Variants in SLC39A10 observed in about 807,000 individuals in gnomAD.
The protein encoded by SLC39A10 is solute carrier family 39 member 10.
SLC39A10 carries 13 observed loss-of-function variants against 65.1 expected under a neutral mutation model. That is an observed-to-expected ratio of 0.20 (90% CI 0.13 to 0.32). SLC39A10 has a LOEUF of 0.32. Among genes scored for constraint, SLC39A10 ranks in the 10% least tolerant of loss-of-function variants. The pLI is 1.00. For missense variants in SLC39A10, 831 were observed against 1,018.4 expected (o/e 0.82, Z 2.50); for synonymous variants, 321 against 342.2 (o/e 0.94, Z 0.68).
At chr2:195,644,531 G>A (rs552665056) in intron 2 of SLC39A10, among the ~76,000 whole-genome samples, 8 of 151,712 alleles carry the variant, frequency 5.3e-5, no homozygotes, top group African/African-American at 9.7e-5. Flanking sequence ...TAGTAGAGAC[G>A]GGGTTTCACC....
At position 195,728,585 on chromosome 2, in the gene SLC39A10, A is replaced by G. The variant is rs2105845524; in HGVS notation, c.2337+236A>G. Among the ~76,000 whole-genome samples the G allele has an allele frequency of 6.6e-6, 1 of 152,350 alleles. No individual in the cohort carries two copies. Among genetic ancestry groups the G allele is most frequent in the Admixed American group, 6.5e-5 (1 of 15,306 alleles). On this transcript the variant is annotated intron_variant, in intron 9 of 9. Transcript: ENST00000359634. The surrounding 1 kb of genome is among the most constrained non-coding windows in gnomAD (Gnocchi z 4.4). ...TTAAATAATCATTAGTAGTAGAGTT[A>G]TAATTACAGAATTATTATACTACTT...
At chr2:195,678,307 A>G (rs115059928) in intron 1 of SLC39A10, among the ~76,000 whole-genome samples, 2,774 of 152,100 alleles carry the variant, frequency 0.018, 81 homozygotes, top group African/African-American at 0.063. Flanking sequence ...TATTTCAGTT[A>G]TTTTCATGGG....
chr2:195,638,664 A>G (rs956419244), intron 2 of SLC39A10, among the ~76,000 whole-genome samples: 8 of 152,240 alleles, frequency 5.3e-5, no homozygotes, highest in African/African-American at 1.9e-4. Flanking sequence ...TTAAATTTAC[A>G]GAAACATTGC....
intron 3 of SLC39A10, among the ~76,000 whole-genome samples, chr2:195,697,294 A>AGG (rs929799445): frequency 3.3e-5 from 5 of 152,182 alleles, no homozygotes; most frequent in African/African-American, 1.2e-4. Context: ...TGGTGTCTGT[A>AGG]GGGGGGTACT....
At chr2:195,640,254 T>C (rs1688778108) in intron 2 of SLC39A10, among the ~76,000 whole-genome samples, 1 of 151,770 alleles carries the variant, frequency 6.6e-6, no homozygotes, top group African/African-American at 2.4e-5. Context: ...TATTTGTCTT[T>C]ATAAGTCCTT....
intron 2 of SLC39A10, among the ~76,000 whole-genome samples, chr2:195,650,375 G>GTCTGGC (rs1196510604): frequency 6.6e-6 from 1 of 151,858 alleles, no homozygotes; most frequent in Non-Finnish European, 1.5e-5. Flanking sequence ...CAACGTGTTA[G>GTCTGGC]TCTGGCTCTG....
chr2:195,690,712 C>T (rs192749229), intron 3 of SLC39A10, among the ~76,000 whole-genome samples: 68 of 152,092 alleles, frequency 4.5e-4, no homozygotes, highest in African/African-American at 1.6e-3. Context: ...ATTTTTTAAT[C>T]TGGTTATTCT....
rs751302114 is a variant in SLC39A10 at position 195,734,906 on chromosome 2, T to C, written c.2361T>C (p.Asp787=). 6.8e-6 allele frequency: 11 copies of C among 1,608,480 alleles called. No individual in the cohort carries two copies. In the Admixed American group the frequency reaches 1.9e-4, roughly 27 times the overall value. The change falls in exon 10 of 10, where the codon GAT becomes GAC. Residue 787 remains aspartate, a synonymous_variant. Coordinates refer to ENST00000359634, the MANE Select transcript of SLC39A10 (RefSeq NM_020342.3). The stretch of plus-strand genomic sequence containing the variant: ...AGCTTCCAGAAATGTTGCATGGTGA[T>C]GGTGACAATGAAGAACATGGCTTTT... ...VDMLPEMLHG[D]GDNEEHGFCP...
At chr2:195,707,047 T>C (rs1691425598) in intron 4 of SLC39A10, among the ~76,000 whole-genome samples, 1 of 152,038 alleles carries the variant, frequency 6.6e-6, no homozygotes, top group Non-Finnish European at 1.5e-5. Context: ...TAGCAGTGAG[T>C]GGTCTTTTTT....
rs770909867 is a variant in SLC39A10, at chr2:195,706,725, C to T, written c.1326C>T (p.Phe442=). 1.2e-6 allele frequency: 2 copies of T among 1,605,520 alleles called. No homozygotes were observed. The highest frequency in any genetic ancestry group is 3.4e-5 in the Admixed American group (2 of 58,826). Reference sequence around the variant, plus strand: ...GATGCTTCAAATTCCTTCTTACATTCCTTGTTGCATTAGCTGTAGGAACAA... The same window carrying T: ...GATGCTTCAAATTCCTTCTTACATTTCTTGTTGCATTAGCTGTAGGAACAA... ...NQGCFKFLLT[F]LVALAVGTMS... Residue 442 remains phenylalanine, a synonymous_variant, in exon 4 of 10, where the codon TTC becomes TTT. Transcript: ENST00000359634.
chr2:195,650,387 C>G lies in SLC39A10; in HGVS notation c.-11-29645C>G, dbSNP rs1023605668. ...GGTCAACGTGTTAGTCTGGCTCTGG[C>G]TCTGAGTTTTTTGCTTTTGTTCATT... On this transcript the variant is annotated intron_variant, in intron 2 of 2. Transcript: ENST00000458054. Among the ~76,000 whole-genome samples the G allele has an allele frequency of 2.6e-5, 4 of 152,038 alleles. No homozygotes were observed. In the East Asian group the frequency reaches 7.7e-4, roughly 29 times the overall value.
At chr2:195,684,244 A>G (rs1008327845) in intron 3 of SLC39A10, among the ~76,000 whole-genome samples, 11 of 152,116 alleles carry the variant, frequency 7.2e-5, no homozygotes, top group Non-Finnish European at 1.6e-4. Flanking sequence ...TTGTTCTTCT[A>G]ATTACTTAAC....
intron 5 of SLC39A10, among the ~76,000 whole-genome samples, chr2:195,712,246 C>G (rs1326342538): frequency 6.6e-6 from 1 of 152,186 alleles, no homozygotes; most frequent in Non-Finnish European, 1.5e-5. Context: ...CAAAAGCTTC[C>G]AGATCTCTAT....
At chr2:195,723,934 T>C (rs1023211518) in intron 8 of SLC39A10, among the ~76,000 whole-genome samples, 15 of 152,276 alleles carry the variant, frequency 9.9e-5, no homozygotes, top group African/African-American at 3.4e-4. Flanking sequence ...GAAAAAAATA[T>C]GTAGCCATAT....
intron 1 of SLC39A10, among the ~76,000 whole-genome samples, chr2:195,659,904 A>G (rs1055850460): frequency 9.2e-5 from 14 of 151,980 alleles, no homozygotes; most frequent in Non-Finnish European, 1.5e-5. Context: ...GATGGTCTCT[A>G]CTGGGCCTTT....
At chr2:195,617,712 T>TTA (rs1195945052) in intron 2 of SLC39A10, among the ~76,000 whole-genome samples, 1 of 135,412 alleles carries the variant, frequency 7.4e-6, no homozygotes, top group Non-Finnish European at 1.6e-5. Context: ...TTCTTTTCTT[T>TTA]TCTTTTCTTT....
intron 2 of SLC39A10, among the ~76,000 whole-genome samples, chr2:195,627,531 G>C (rs6753221): frequency 0.17 from 26,165 of 152,170 alleles, 2,469 homozygotes; most frequent in East Asian, 0.34. Context: ...CTGAGTAGCT[G>C]AAAAATGAGG....
intron 2 of SLC39A10, among the ~76,000 whole-genome samples, chr2:195,617,398 T>C (rs983377775): frequency 6.6e-6 from 1 of 152,102 alleles, no homozygotes; most frequent in Non-Finnish European, 1.5e-5. Flanking sequence ...CCGTCTCTAC[T>C]AAAAACAGAA....
chr2:195,623,825 A>G (rs753129873), intron 2 of SLC39A10, among the ~76,000 whole-genome samples: 10 of 152,012 alleles, frequency 6.6e-5, no homozygotes, highest in Admixed American at 1.3e-4. Flanking sequence ...TAACATTGCA[A>G]AAATATTCCA....
Sources: gnomAD v4.1 joint callset for allele counts (sites outside exome capture counted in the v4.1 genomes callset) on GRCh38, gnomAD v4.1.1 for gene constraint, Gnocchi (gnomAD v3.1) non-coding constraint, MANE v1.5 for transcripts, NCBI Gene and HGNC (gene_info 2026-07-23, HGNC 2026-07-21) for gene names.